Variants in ODAM observed in about 807,000 individuals in gnomAD.
ODAM encodes odontogenic, ameloblast associated, also known as odontogenic ameloblast-associated protein.
ODAM carries 55 observed loss-of-function variants against 48.5 expected under a neutral mutation model. The ratio of observed to expected loss-of-function variants is 1.13; its 90% CI spans 0.91 to 1.42. The LOEUF is 1.42. Among genes scored for constraint, ODAM ranks in the 40% most tolerant of loss-of-function variants. The probability of loss-of-function intolerance (pLI) is 0.00; values close to 1 mark genes in which losing one functional copy is unlikely to be tolerated. For synonymous variants in ODAM, 127 were observed against 107.8 expected (o/e 1.18, Z -1.10); for missense variants, 353 against 323.6 (o/e 1.09, Z -0.70).
chr4:70,203,409 A>G (rs1046160165), intron 11 of ODAM, among the ~76,000 whole-genome samples, 195 bp downstream of exon 11: 3 of 151,952 alleles, frequency 2.0e-5, no homozygotes, highest in African/African-American at 7.2e-5. Context: ...AATTTTGAGA[A>G]TCATGTCTGC....
At position 70,202,341 on chromosome 4, in the gene ODAM, TACA is replaced by T. The variant is rs760680643; in HGVS notation, c.648+16_648+18del. On this transcript the variant is annotated intron_variant, in intron 9 of 11. Transcript: ENST00000683306. ...AAATTGCTGTGATGGTAAGATTCCT[TACA>T]ACACTTTGCCAGCTACTGGAAATCA... is the stretch of plus-strand genomic sequence containing the variant. The T allele has an allele frequency of 3.7e-6, 6 of 1,603,348 alleles. No homozygotes were observed. The South Asian group carries it at 6.6e-5, about 18-fold the overall frequency.
rs747092001 is a variant in ODAM at position 70,198,567 on chromosome 4, T to C, written c.376-12T>C. The C allele has an allele frequency of 6.3e-7, 1 of 1,582,614 alleles. No individual in the cohort carries two copies. The highest frequency in any genetic ancestry group is 8.6e-7 in the Non-Finnish European group (1 of 1,168,766). On this transcript the variant is annotated splice_polypyrimidine_tract_variant and intron_variant, in intron 5 of 11. Transcript: ENST00000683306. ...CAAGCATACATTTTTATATAATTCT[T>C]TTTTTTGGCAGGTGATGCCCTATGT...
At chr4:70,199,142 AT>A (rs1184922954) in intron 6 of ODAM, among the ~76,000 whole-genome samples, 1 of 151,992 alleles carries the variant, frequency 6.6e-6, no homozygotes, top group Non-Finnish European at 1.5e-5. Flanking sequence ...TCAAATGGTA[AT>A]TTTTTCCATT....
At chr4:70,201,958 T>G (rs965805518) in intron 8 of ODAM, among the ~76,000 whole-genome samples, 2 of 151,860 alleles carry the variant, frequency 1.3e-5, no homozygotes, top group Non-Finnish European at 1.5e-5. Flanking sequence ...AGACAAAATT[T>G]TGAAATTGTC....
Position 70,202,867 on chromosome 4 carries a change from T to A in ODAM, c.760T>A (p.Phe254Ile). 6.2e-7 allele frequency: 1 copy of A among 1,612,398 alleles called. No homozygotes were observed. Among genetic ancestry groups the A allele is most frequent in the South Asian group, 1.1e-5 (1 of 91,008 alleles). ...TSPKPSTTNVFTSAVDQTITP... is the reference protein window; with the variant it reads ...TSPKPSTTNVITSAVDQTITP... ...ACCAAAACCCAGCACAACCAATGTT[T>A]TCACTTCTGCTGTAGACCAAACTAT... Residue 254 changes from phenylalanine to isoleucine, a missense_variant, in exon 10 of 12, where the codon TTC becomes ATC. Coordinates refer to ENST00000683306, the MANE Select transcript of ODAM (RefSeq NM_017855.4).
At chr4:70,196,358 A>T (rs966303) in intron 1 of ODAM, 171 bp from the exon 2 acceptor site, 9 of 503,030 alleles carry the variant, frequency 1.8e-5, no homozygotes, top group Non-Finnish European at 2.8e-5. Flanking sequence ...GAGAAAATAA[A>T]GAGTTATATC....
intron 9 of ODAM, among the ~76,000 whole-genome samples, 195 bp downstream of exon 9, chr4:70,202,524 C>A (rs777656096): frequency 2.6e-5 from 4 of 151,816 alleles, no homozygotes; most frequent in Non-Finnish European, 5.9e-5. Context: ...GTATGCTATG[C>A]CAGGTACTCT....
In ODAM at chr4:70,200,289, C is replaced by A. The variant is rs569781883; in HGVS notation, c.424-208C>A. 73 of 459,816 alleles carry A rather than the reference C, an allele frequency of 1.6e-4. No homozygotes were observed. The Middle Eastern group carries it at 2.8e-3, about 17-fold the overall frequency. The allele number at this position is 459,816 out of a possible 1,614,324, so 28.5% of individuals were successfully genotyped here. A position where few individuals can be genotyped will look rare whatever the true frequency, so the allele number is the denominator to read the frequency against. ...TATTTCCTAAATGTGTTTGCCCAAG[C>A]AACCTTAAAAACCAAGTCCAGTATT... On this transcript the variant is annotated intron_variant, in intron 6 of 11. Coordinates refer to ENST00000683306, the MANE Select transcript of ODAM (RefSeq NM_017855.4).
intron 7 of ODAM, 128 bp downstream of exon 7, chr4:70,200,729 G>A: frequency 3.5e-6 from 2 of 568,378 alleles, no homozygotes; most frequent in South Asian, 2.4e-5. Flanking sequence ...AAACAGGTAG[G>A]CATAAGAGGG....
chr4:70,197,885 A>G, intron 4 of ODAM, 39 bp from the exon 5 acceptor site: 1 of 1,546,136 alleles, frequency 6.5e-7, no homozygotes, highest in South Asian at 1.1e-5. Flanking sequence ...TCTTTTTGGC[A>G]TGAAGGGAAC....
intron 6 of ODAM, chr4:70,199,993 C>T: frequency 3.0e-6 from 1 of 336,944 alleles, no homozygotes; most frequent in South Asian, 2.3e-5. Context: ...TCATTTGTTA[C>T]TTGTCTATGT....
intron 3 of ODAM, 31 bp downstream of exon 3, chr4:70,196,764 C>T (rs1158173794): frequency 6.4e-7 from 1 of 1,550,906 alleles, no homozygotes; most frequent in Non-Finnish European, 8.8e-7. Flanking sequence ...CAATCTCCTC[C>T]TTTTTTTAAT....
At chr4:70,197,883 G>A in intron 4 of ODAM, 41 bp from the exon 5 acceptor site, 1 of 1,525,970 alleles carries the variant, frequency 6.6e-7, no homozygotes, top group Non-Finnish European at 9.0e-7. Context: ...ATTCTTTTTG[G>A]CATGAAGGGA....
At chr4:70,201,884 G>A (rs955744850) in intron 8 of ODAM, among the ~76,000 whole-genome samples, 4 of 151,822 alleles carry the variant, frequency 2.6e-5, no homozygotes, top group East Asian at 1.9e-4. Context: ...AGCATCAGTC[G>A]CTCATATTAG....
In ODAM at chr4:70,203,346, C is replaced by T. The variant is rs1729550374; in HGVS notation, c.*29+132C>T. On this transcript the variant is annotated intron_variant, in intron 11 of 11. Transcript: ENST00000683306. Reference sequence around the variant, plus strand: ...TATAAAAACAAGTTAGCTATATATACCTATAAAATTAATAATAATTATGGA... The same window carrying T: ...TATAAAAACAAGTTAGCTATATATATCTATAAAATTAATAATAATTATGGA... The T allele has an allele frequency of 1.6e-5, 8 of 507,704 alleles. No individual in the cohort carries two copies. In the South Asian group the frequency reaches 2.6e-4, roughly 16 times the overall value. 31.4% of individuals were successfully genotyped at this position (507,704 alleles called of 1,614,324 possible). A position where few individuals can be genotyped will look rare whatever the true frequency, so the allele number is the denominator to read the frequency against.
intron 4 of ODAM, chr4:70,197,617 C>A: frequency 1.9e-6 from 1 of 535,892 alleles, no homozygotes. Flanking sequence ...CCAGTAACAG[C>A]AGGTTGGCAG....
At chr4:70,201,143 A>C (rs900392347) in intron 7 of ODAM, among the ~76,000 whole-genome samples, 2 of 151,830 alleles carry the variant, frequency 1.3e-5, no homozygotes, top group Non-Finnish European at 2.9e-5. Flanking sequence ...TTTTAGTTTA[A>C]TCATAACTCT....
rs780878483 is a variant in ODAM at position 70,204,320 on chromosome 4, T to C, written c.*175T>C. ...TACATGTTATTAAACTCTTTAAATATGTCATAGAAAATAATACAATCATGT... is the reference window on the plus strand; with the variant it reads ...TACATGTTATTAAACTCTTTAAATACGTCATAGAAAATAATACAATCATGT... On this transcript the variant is annotated 3_prime_UTR_variant, in exon 12 of 12. Transcript: ENST00000683306. 5 of 152,030 alleles carry C rather than the reference T, an allele frequency of 3.3e-5. No homozygotes were observed. The highest frequency in any genetic ancestry group is 1.2e-4 in the African/African-American group (5 of 41,416). The allele number at this position is 152,030 out of a possible 1,614,324, so 9.4% of individuals were successfully genotyped here. A position where few individuals can be genotyped will look rare whatever the true frequency, so the allele number is the denominator to read the frequency against.
intron 2 of ODAM, 47 bp downstream of exon 2, chr4:70,196,641 A>T (rs1287756507): frequency 6.9e-6 from 11 of 1,596,714 alleles, no homozygotes; most frequent in Non-Finnish European, 9.4e-6. Context: ...TAAACCTTCA[A>T]CAATCCCTTC....
Sources: gnomAD v4.1 joint callset for allele counts (sites outside exome capture counted in the v4.1 genomes callset) on GRCh38, gnomAD v4.1.1 for gene constraint, MANE v1.5 for transcripts, NCBI Gene and HGNC (gene_info 2026-07-23, HGNC 2026-07-21) for gene names.